FXYD5: variants seen among roughly 807,000 people sequenced by gnomAD.
The protein encoded by FXYD5 is FXYD domain containing ion transport regulator 5, also known as FXYD domain-containing ion transport regulator 5.
Under a neutral mutation model 25.7 loss-of-function variants are expected in FXYD5, and 21 were observed. The ratio of observed to expected loss-of-function variants is 0.82; its 90% CI spans 0.58 to 1.18. FXYD5 has a LOEUF of 1.18. Ranked by LOEUF, FXYD5 falls within the 50% of genes most tolerant of loss-of-function variation. The pLI is 0.00. For missense variants in FXYD5, 229 were observed against 227.7 expected, an observed-to-expected ratio of 1.01 and a Z score of -0.04; for synonymous variants, 101 against 90.7, an observed-to-expected ratio of 1.11 and a Z score of -0.64.
At chr19:35,155,384 TAAGA>T in intron 1 of FXYD5, 163 bp from the exon 2 acceptor site, 1 of 641,450 alleles carries the variant, frequency 1.6e-6, no homozygotes, top group Non-Finnish European at 2.8e-6. Flanking sequence ...TATCCCCACC[TAAGA>T]CCCTCCCCTT....
chr19:35,165,888 C>G (rs1470576056), intron 6 of FXYD5, among the ~76,000 whole-genome samples: 2 of 152,006 alleles, frequency 1.3e-5, no homozygotes, highest in Admixed American at 6.5e-5. Context: ...ACAGCCAGTG[C>G]AAAGGCCCTG....
At chr19:35,165,135 A>G (rs924091054) in intron 6 of FXYD5, among the ~76,000 whole-genome samples, 30 of 152,222 alleles carry the variant, frequency 2.0e-4, no homozygotes, top group African/African-American at 7.0e-4. Flanking sequence ...CCAGACCCCA[A>G]GAAAGGGCTG....
At position 35,166,280 on chromosome 19, in the gene FXYD5, T is replaced by G. The variant is rs777534958; in HGVS notation, c.442T>G (p.Leu148Val). The part of the protein sequence containing the change: ...DEHTLRKRGL[L>V]VAAVLFITGI... ...ACACACCCTCCGGAAACGGGGGCTG[T>G]TGGTCGCAGCTGTGCTGTTCATCAC... Residue 148 changes from leucine (L) to valine (V), a missense_variant, in exon 8 of 9, where the codon TTG becomes GTG. Transcript: ENST00000392219. 4 of 1,609,524 alleles carry G rather than the reference T, an allele frequency of 2.5e-6. No individual in the cohort carries two copies. The highest frequency in any genetic ancestry group is 2.2e-5 in the East Asian group (1 of 44,874).
chr19:35,161,320 G>A (rs904590579), intron 5 of FXYD5, among the ~76,000 whole-genome samples: 7 of 151,254 alleles, frequency 4.6e-5, no homozygotes, highest in Admixed American at 1.3e-4. Context: ...GGATCAAGGC[G>A]AGTAAGCACT....
In FXYD5 at chr19:35,166,285, C is replaced by T. The variant is rs746706137; in HGVS notation, c.447C>T (p.Val149=). The change falls in exon 8 of 9, where the codon GTC becomes GTT. Residue 149 remains valine, a synonymous_variant. Transcript: ENST00000392219. ...CCCTCCGGAAACGGGGGCTGTTGGT[C>T]GCAGCTGTGCTGTTCATCACAGGCA... ...EHTLRKRGLL[V]AAVLFITGII... is the part of the protein sequence containing the mutation. 22 of 1,605,796 alleles carry T rather than the reference C, an allele frequency of 1.4e-5. No individual in the cohort carries two copies. The highest frequency in any genetic ancestry group is 1.7e-4 in the Middle Eastern group (1 of 6,060).
chr19:35,154,858 GGC>G (rs1468739524), intron 1 of FXYD5, 49 bp downstream of exon 1: 1 of 153,784 alleles, frequency 6.5e-6, no homozygotes, highest in African/African-American at 2.4e-5. Flanking sequence ...TCTGCCCACG[GGC>G]CGGGCTCAGG....
intron 6 of FXYD5, among the ~76,000 whole-genome samples, chr19:35,165,359 C>T (rs769266737): frequency 1.8e-4 from 27 of 152,174 alleles, no homozygotes; most frequent in Non-Finnish European, 3.1e-4. Context: ...GAGGATTCCT[C>T]CCCTTTTTAT....
At chr19:35,169,062 C>CA (rs58642459) in intron 8 of FXYD5, among the ~76,000 whole-genome samples, 13,815 of 127,198 alleles carry the variant, frequency 0.11, 899 homozygotes, top group South Asian at 0.21. Flanking sequence ...GACTCTGTCT[C>CA]AAAAAAAAAA....
intron 5 of FXYD5, among the ~76,000 whole-genome samples, chr19:35,163,315 T>C (rs1054074079): frequency 2.0e-5 from 3 of 152,036 alleles, no homozygotes; most frequent in African/African-American, 7.2e-5. Flanking sequence ...CGAGGGAGCT[T>C]CTCTGTCTGC....
Position 35,155,537 on chromosome 19 carries a change from G to A in FXYD5, c.1-14G>A, listed in dbSNP as rs749832987. On this transcript the variant is annotated splice_polypyrimidine_tract_variant and intron_variant, in intron 1 of 8. Transcript: ENST00000392219. The stretch of plus-strand genomic sequence containing the variant: ...TGACATCATGGCTGACCCCAGCATC[G>A]CCTGGTCCCACAGATGTCGCCCTCT... 3.4e-5 allele frequency: 55 copies of A among 1,607,010 alleles called. 2 individuals are homozygous for A. In the South Asian group the frequency reaches 5.7e-4, roughly 17 times the overall value.
At position 35,161,249 on chromosome 19, in the gene FXYD5, A is replaced by ACACACACAC. The variant is rs58296906; in HGVS notation, c.292+448_292+449insCACACACAC. On this transcript the variant is annotated intron_variant, in intron 5 of 8. Coordinates refer to ENST00000392219, the MANE Select transcript of FXYD5 (RefSeq NM_014164.6). ...ACACACACACACACACACACACACA[A>ACACACACAC]AAGAATGATTGGCTATATAAGTTCT... Among the ~76,000 whole-genome samples the ACACACACAC allele has an allele frequency of 1.1e-3, 133 of 120,484 alleles. 3 individuals carry two copies. The highest frequency in any genetic ancestry group is 1.6e-3 in the African/African-American group (47 of 30,222). The allele number at this position is 120,484 out of a possible 152,430, so 79.0% of individuals were successfully genotyped here.
In FXYD5 at chr19:35,164,249, A is replaced by T. The variant is rs770230742; in HGVS notation, c.382+4A>T. 1 of 1,606,586 alleles carries T rather than the reference A, an allele frequency of 6.2e-7. No homozygotes were observed. Among genetic ancestry groups the T allele is most frequent in the Admixed American group, 1.7e-5 (1 of 58,488 alleles). On this transcript the variant is annotated splice_donor_region_variant and intron_variant, in intron 6 of 8. Transcript: ENST00000392219. ...CCCCAGACCCTCAAGCCATCTGGTT[A>T]GTAACTGCCTCCCCAGACTGGAAAC...
At chr19:35,159,683 A>T in intron 4 of FXYD5, 2 of 1,516,620 alleles carry the variant, frequency 1.3e-6, no homozygotes, top group South Asian at 1.3e-5. Flanking sequence ...GGTTCTAAAT[A>T]TTTTGCGTAT....
At chr19:35,166,577 G>A (rs1455670967) in intron 8 of FXYD5, 6 of 454,792 alleles carry the variant, frequency 1.3e-5, no homozygotes, top group Non-Finnish European at 1.9e-5. Flanking sequence ...ATTTACTCTT[G>A]CATCTGAGTT....
intron 8 of FXYD5, among the ~76,000 whole-genome samples, chr19:35,168,144 C>T (rs1433565105): frequency 6.6e-6 from 1 of 151,800 alleles, no homozygotes; most frequent in Non-Finnish European, 1.5e-5. Flanking sequence ...AACGTTAGCT[C>T]TGGGGCCATG....
At chr19:35,163,125 C>T (rs1378466446) in intron 5 of FXYD5, among the ~76,000 whole-genome samples, 2 of 152,252 alleles carry the variant, frequency 1.3e-5, no homozygotes, top group Non-Finnish European at 1.5e-5. Context: ...TGTCTCACCC[C>T]AGGGTGCATG....
Position 35,159,787 on chromosome 19 carries a change from G to C in FXYD5, c.200-922G>C. ...AGGAAACAGAGGCTGTGAGTAACTG[G>C]TTCAAGGTCTCACAACAAGTCAGGG... On this transcript the variant is annotated intron_variant, in intron 4 of 8. Transcript: ENST00000392219. The C allele has an allele frequency of 9.0e-6, 9 of 1,000,084 alleles. No individual in the cohort carries two copies. In the South Asian group the frequency reaches 1.6e-4, roughly 18 times the overall value. 62.0% of individuals were successfully genotyped at this position (1,000,084 alleles called of 1,614,324 possible).
intron 5 of FXYD5, 71 bp downstream of exon 5, chr19:35,160,872 C>T: frequency 1.1e-6 from 1 of 918,024 alleles, no homozygotes; most frequent in Non-Finnish European, 1.8e-6. Context: ...ACATTTCCCT[C>T]AGTACGTTTC....
At chr19:35,165,087 G>T (rs56058408) in intron 6 of FXYD5, among the ~76,000 whole-genome samples, 13,491 of 152,082 alleles carry the variant, frequency 0.089, 748 homozygotes, top group East Asian at 0.26. Context: ...ATTTCCTTTC[G>T]GTGTCATGTC....
Sources: allele counts gnomAD v4.1 joint callset (sites outside exome capture counted in the v4.1 genomes callset), GRCh38; gene constraint gnomAD v4.1.1; transcripts MANE v1.5; gene names NCBI Gene and HGNC (gene_info 2026-07-23, HGNC 2026-07-21).